BFSP1: variants seen among roughly 807,000 people sequenced by gnomAD.
BFSP1 encodes beaded filament structural protein 1.
A neutral mutation model predicts 43.9 loss-of-function variants in BFSP1; 38 were observed. The observed-to-expected ratio is 0.87, with a 90% confidence interval of 0.67 to 1.14. The LOEUF (loss-of-function observed/expected upper bound fraction) is 1.14, where lower values mean the gene tolerates loss of function less well. BFSP1 is among the 50% of genes most tolerant of loss of function. The pLI, the probability that BFSP1 is intolerant of heterozygous loss-of-function variation, is 0.00. For synonymous variants in BFSP1, 352 were observed against 354.8 expected, an observed-to-expected ratio of 0.99 and a Z score of 0.09; for missense variants, 850 against 875.1, an observed-to-expected ratio of 0.97 and a Z score of 0.36.
rs116587791 is a variant in BFSP1 at position 17,498,088 on chromosome 20, G to A, written c.956+732C>T. Among the ~76,000 whole-genome samples the A allele has an allele frequency of 1.5e-3, 226 of 152,318 alleles. 1 individual carries two copies. The highest frequency in any genetic ancestry group is 5.1e-3 in the African/African-American group (210 of 41,564). ...TCACAGCCAAGAGAGAGCACCCAGC[G>A]CGAAGGGAAGAGCTGCTCCTGGTGG... On this transcript the variant is annotated intron_variant, in intron 6 of 7. Transcript: ENST00000377873.
rs1035050228 is a variant in BFSP1, at chr20:17,493,964, T to C, written c.*110A>G. On this transcript the variant is annotated 3_prime_UTR_variant, in exon 8 of 8. Transcript: ENST00000377873. ...TTGGCAATGCCAGATGGGTCAACTATGGTCTAATCCAAACAGGAACCCTCA... is the reference window on the plus strand; with the variant it reads ...TTGGCAATGCCAGATGGGTCAACTACGGTCTAATCCAAACAGGAACCCTCA... The C allele has an allele frequency of 1.0e-5, 11 of 1,063,198 alleles. No homozygotes were observed. Among genetic ancestry groups the C allele is most frequent in the South Asian group, 3.3e-5 (2 of 61,382 alleles). The allele number at this position is 1,063,198 out of a possible 1,614,324, so 65.9% of individuals were successfully genotyped here.
At chr20:17,514,872 G>C in intron 2 of BFSP1, 56 bp from the exon 3 acceptor site, 1 of 1,529,148 alleles carries the variant, frequency 6.5e-7, no homozygotes, top group Non-Finnish European at 9.0e-7. Context: ...TAGGGGTAAA[G>C]CTGGCCGGGT....
chr20:17,553,951 T>C (rs1057095809), intron 1 of BFSP1, among the ~76,000 whole-genome samples: 1 of 149,652 alleles, frequency 6.7e-6, no homozygotes, highest in African/African-American at 2.5e-5. Flanking sequence ...TAATTATCTT[T>C]GGCACAAAGA....
chr20:17,512,332 T>G (rs1282275736), intron 3 of BFSP1, among the ~76,000 whole-genome samples: 1 of 152,120 alleles, frequency 6.6e-6, no homozygotes, highest in East Asian at 1.9e-4. Flanking sequence ...AAACTAAGAC[T>G]TGCCTTATTT....
chr20:17,505,516 C>T (rs1312771238), intron 5 of BFSP1, among the ~76,000 whole-genome samples: 2 of 152,262 alleles, frequency 1.3e-5, no homozygotes, highest in African/African-American at 2.4e-5. Flanking sequence ...CGCTCTCTCT[C>T]GGCCCGCCCT....
chr20:17,498,081 A>C (rs574254178), intron 6 of BFSP1, among the ~76,000 whole-genome samples: 1 of 152,324 alleles, frequency 6.6e-6, no homozygotes, highest in Non-Finnish European at 1.5e-5. Context: ...AAGAGAGAGC[A>C]CCCAGCGCGA....
At chr20:17,546,788 G>T (rs1229311563) in intron 1 of BFSP1, among the ~76,000 whole-genome samples, 2 of 152,052 alleles carry the variant, frequency 1.3e-5, no homozygotes, top group Admixed American at 6.6e-5. Context: ...TACTTTGGGA[G>T]GCCGAGGTAG....
chr20:17,539,578 C>T (rs551619986), intron 1 of BFSP1, among the ~76,000 whole-genome samples: 12 of 151,884 alleles, frequency 7.9e-5, no homozygotes, highest in Admixed American at 2.6e-4. Context: ...AAAACCCTGT[C>T]GCTATATATA....
intron 5 of BFSP1, among the ~76,000 whole-genome samples, chr20:17,499,242 ATTTTTTT>A (rs11339300): frequency 4.6e-5 from 6 of 129,632 alleles, no homozygotes; most frequent in Non-Finnish European, 8.2e-5. Flanking sequence ...TCCTTACACA[ATTTTTTT>A]TTTTTTTTTT....
upstream of BFSP1, among the ~76,000 whole-genome samples, chr20:17,559,257 C>A (rs1412103798): frequency 1.3e-5 from 2 of 152,054 alleles, no homozygotes; most frequent in East Asian, 1.9e-4. Flanking sequence ...ACAACAACAA[C>A]AAAAACAAGT....
intron 1 of BFSP1, among the ~76,000 whole-genome samples, chr20:17,539,105 CTTT>C (rs1156875265): frequency 1.9e-4 from 12 of 63,548 alleles, no homozygotes; most frequent in African/African-American, 4.8e-4. Flanking sequence ...ATTTCTTCTT[CTTT>C]TTTTTTTTTT....
Position 17,531,079 on chromosome 20 carries a change from G to A in BFSP1, c.251C>T (p.Pro84Leu). ...AFQRLGELAG[P>L]EDALARQVES... ...GACTTGGCGGGCGAGGGCGTCCTCG[G>A]GCCCGGCCAGCTCGCCCAGGCGCTG... The change falls in exon 1 of 8, where the codon CCC (proline) becomes CTC (leucine). Residue 84 changes from proline (P) to leucine (L), a missense_variant. Transcript: ENST00000377873. The A allele has an allele frequency of 7.3e-7, 1 of 1,377,168 alleles. No homozygotes were observed. The allele number at this position is 1,377,168 out of a possible 1,614,324, so 85.3% of individuals were successfully genotyped here.
intron 1 of BFSP1, among the ~76,000 whole-genome samples, chr20:17,552,469 T>C (rs998897681): frequency 2.0e-5 from 3 of 152,074 alleles, no homozygotes; most frequent in African/African-American, 4.8e-5. Context: ...ACTGTGAGAG[T>C]AAAGGGAAGC....
At chr20:17,517,424 C>G (rs1600654243) in intron 2 of BFSP1, 2 of 676,602 alleles carry the variant, frequency 3.0e-6, no homozygotes, top group East Asian at 5.2e-5. Flanking sequence ...GCTGGGACTA[C>G]AGGTGCACAC....
At chr20:17,497,182 C>G (rs1464265327) in intron 6 of BFSP1, among the ~76,000 whole-genome samples, 159 bp from the exon 7 acceptor site, 4 of 152,082 alleles carry the variant, frequency 2.6e-5, no homozygotes, top group Admixed American at 1.3e-4. Flanking sequence ...CATTTACATA[C>G]TGGATGAGGA....
At chr20:17,505,936 A>C (rs566606221) in intron 5 of BFSP1, among the ~76,000 whole-genome samples, 4 of 152,180 alleles carry the variant, frequency 2.6e-5, no homozygotes, top group African/African-American at 9.7e-5. Flanking sequence ...ACCCTTGAAT[A>C]TGTTACATGG....
At chr20:17,497,627 C>CATATAT in intron 6 of BFSP1, among the ~76,000 whole-genome samples, 1 of 147,462 alleles carries the variant, frequency 6.8e-6, no homozygotes, top group South Asian at 2.1e-4. Context: ...CATATACACA[C>CATATAT]ACATATATAC....
chr20:17,555,150 A>C (rs2034968937), intron 1 of BFSP1, among the ~76,000 whole-genome samples: 1 of 151,702 alleles, frequency 6.6e-6, no homozygotes, highest in Non-Finnish European at 1.5e-5. Flanking sequence ...AATTAAAACA[A>C]ATTAGCCAGG....
At chr20:17,511,853 G>T in intron 4 of BFSP1, 123 bp downstream of exon 4, 1 of 675,796 alleles carries the variant, frequency 1.5e-6, no homozygotes, top group Non-Finnish European at 2.5e-6. Context: ...AGAATACAAG[G>T]CAGGAGTGGG....
Sources: gnomAD v4.1 joint callset for allele counts (sites outside exome capture counted in the v4.1 genomes callset) on GRCh38, gnomAD v4.1.1 for gene constraint, MANE v1.5 for transcripts, NCBI Gene and HGNC (gene_info 2026-07-23, HGNC 2026-07-21) for gene names.